SPECC1: variants seen among roughly 807,000 people sequenced by gnomAD.
SPECC1 encodes sperm antigen with calponin homology and coiled-coil domains 1.
In SPECC1, 62 loss-of-function variants were observed where a neutral mutation model predicts 104.1. The ratio of observed to expected loss-of-function variants is 0.60; its 90% CI spans 0.49 to 0.74. The LOEUF is 0.74. Ranked by LOEUF, SPECC1 falls within the 30% of genes least tolerant of loss-of-function variation. The probability of loss-of-function intolerance (pLI) is 0.00; values close to 1 mark genes in which losing one functional copy is unlikely to be tolerated. For missense variants in SPECC1, 1,306 were observed against 1,310.5 expected, an observed-to-expected ratio of 1.00 and a Z score of 0.05; for synonymous variants, 513 against 501.6, an observed-to-expected ratio of 1.02 and a Z score of -0.30.
chr17:20,156,005 C>T (rs2152570946), intron 3 of SPECC1: 2 of 1,282,944 alleles, frequency 1.6e-6, no homozygotes, highest in Non-Finnish European at 2.0e-6. Flanking sequence ...GATGAGGGGG[C>T]GGGGCCCACG....
chr17:20,229,339 G>A (rs534514747), intron 5 of SPECC1, among the ~76,000 whole-genome samples: 14 of 152,212 alleles, frequency 9.2e-5, no homozygotes, highest in African/African-American at 7.2e-5. Context: ...CTCTTGTCCC[G>A]TTGTGCGTGA....
chr17:20,082,982 GTTCGTTCGTTCGTTCGTTCGTTCA>G (rs2047038554), intron 1 of SPECC1, among the ~76,000 whole-genome samples: 15 of 151,200 alleles, frequency 9.9e-5, no homozygotes. Context: ...TCGTTCGTTC[GTTCGTTCGTTCGTTCGTTCGTTCA>G]TTCATCCATC....
At chr17:20,265,208 A>T (rs1261534057) in intron 12 of SPECC1, among the ~76,000 whole-genome samples, 2 of 152,168 alleles carry the variant, frequency 1.3e-5, no homozygotes, top group Admixed American at 1.3e-4. Flanking sequence ...CAGGGGCTGA[A>T]CTAATTTTAT....
chr17:20,034,576 C>A (rs1271513126), intron 1 of SPECC1, among the ~76,000 whole-genome samples: 3 of 151,244 alleles, frequency 2.0e-5, no homozygotes, highest in Admixed American at 2.0e-4. Context: ...CTTTACCTCG[C>A]CTTACATCCC....
intron 7 of SPECC1, among the ~76,000 whole-genome samples, chr17:20,240,589 A>T (rs2039158488): frequency 6.6e-6 from 1 of 151,964 alleles, no homozygotes. Context: ...ATTTAATCTG[A>T]TGTGAGGTGT....
intron 3 of SPECC1, among the ~76,000 whole-genome samples, chr17:20,126,889 C>T (rs1293880906): frequency 6.6e-6 from 1 of 152,166 alleles, no homozygotes; most frequent in African/African-American, 2.4e-5. Flanking sequence ...TAAATGCCTT[C>T]TAGGCATGCT....
At chr17:20,082,688 G>A (rs1325599138) in intron 1 of SPECC1, among the ~76,000 whole-genome samples, 1 of 152,004 alleles carries the variant, frequency 6.6e-6, no homozygotes, top group Non-Finnish European at 1.5e-5. Flanking sequence ...TTTCTTATAT[G>A]GACATCAGTC....
chr17:20,064,066 A>G (rs533392098), intron 1 of SPECC1, among the ~76,000 whole-genome samples: 2 of 152,324 alleles, frequency 1.3e-5, no homozygotes, highest in Non-Finnish European at 2.9e-5. Context: ...GAGTTGGCAG[A>G]AGGAGGTGAT....
chr17:20,017,407 C>T (rs1348421451), intron 1 of SPECC1: 1 of 153,872 alleles, frequency 6.5e-6, no homozygotes, highest in Non-Finnish European at 1.4e-5. Context: ...AGCGAGACTA[C>T]GAACCCACCA....
chr17:20,097,522 C>A (rs1323991329), intron 2 of SPECC1, among the ~76,000 whole-genome samples: 1 of 152,216 alleles, frequency 6.6e-6, no homozygotes, highest in Admixed American at 6.5e-5. Context: ...AGCTACAATG[C>A]AGATGGATTT....
intron 1 of SPECC1, among the ~76,000 whole-genome samples, chr17:20,019,536 A>G (rs573778415): frequency 1.3e-4 from 20 of 152,278 alleles, no homozygotes; most frequent in African/African-American, 4.8e-4. Context: ...GGACTACTCA[A>G]CCATTCAAAA....
intron 1 of SPECC1, among the ~76,000 whole-genome samples, chr17:20,032,953 C>CAT (rs199499457): frequency 7.5e-4 from 112 of 149,048 alleles, no homozygotes; most frequent in Non-Finnish European, 1.2e-3. Flanking sequence ...CACACACACA[C>CAT]ATATATATAT....
chr17:20,052,920 C>T (rs755708367), intron 1 of SPECC1, among the ~76,000 whole-genome samples: 1 of 152,190 alleles, frequency 6.6e-6, no homozygotes, highest in African/African-American at 2.4e-5. Context: ...CAGTTTGTTA[C>T]CTATGCGTTT....
intron 12 of SPECC1, among the ~76,000 whole-genome samples, chr17:20,261,619 A>G (rs1168409866): frequency 1.3e-5 from 2 of 152,152 alleles, no homozygotes; most frequent in African/African-American, 4.8e-5. Flanking sequence ...TAATTCGCAT[A>G]AAGGTCCTAT....
At chr17:20,145,646 T>A (rs974750946) in intron 3 of SPECC1, among the ~76,000 whole-genome samples, 5 of 152,216 alleles carry the variant, frequency 3.3e-5, no homozygotes, top group African/African-American at 1.2e-4. Context: ...TGGTCAGAAC[T>A]GGGTCTCATA....
intron 1 of SPECC1, among the ~76,000 whole-genome samples, chr17:20,091,570 G>A (rs1046074251): frequency 2.0e-5 from 3 of 152,178 alleles, no homozygotes; most frequent in Non-Finnish European, 2.9e-5. Flanking sequence ...ACATTGCCAC[G>A]TGCCCATTGG....
intron 3 of SPECC1, among the ~76,000 whole-genome samples, chr17:20,173,164 C>A (rs866894286): frequency 6.6e-6 from 1 of 152,194 alleles, no homozygotes; most frequent in African/African-American, 2.4e-5. Context: ...ATGCACAGTC[C>A]ACTCTGGGAA....
At chr17:20,194,275 A>G (rs1163670330) in intron 3 of SPECC1, among the ~76,000 whole-genome samples, 2 of 151,966 alleles carry the variant, frequency 1.3e-5, no homozygotes, top group Non-Finnish European at 2.9e-5. Context: ...AGGTCCCAGG[A>G]TAACTTGGGG....
At position 20,204,434 on chromosome 17, in the gene SPECC1, A is replaced by G. The variant is rs2036633892; in HGVS notation, c.385A>G (p.Arg129Gly). 2 of 1,614,040 alleles carry G rather than the reference A, an allele frequency of 1.2e-6. No individual in the cohort carries two copies. Among genetic ancestry groups the G allele is most frequent in the Non-Finnish European group, 1.7e-6 (2 of 1,180,052 alleles). The change falls in exon 4 of 15, where the codon AGG becomes GGG. Residue 129 changes from arginine (R) to glycine (G), a missense_variant. Physicochemically the swap from Arg to Gly is moderately radical, Grantham distance 125. Transcript: ENST00000395527. ...RSVPRGPSNPRKSVSSPTSSN... is the reference protein window; with the variant it reads ...RSVPRGPSNPGKSVSSPTSSN... ...TGTGCCACGTGGTCCCTCCAACCCC[A>G]GGAAATCAGTGTCCAGTCCAACTTC...
Sources: allele counts gnomAD v4.1 joint callset (sites outside exome capture counted in the v4.1 genomes callset), GRCh38; gene constraint gnomAD v4.1.1; transcripts MANE v1.5; gene names NCBI Gene and HGNC (gene_info 2026-07-23, HGNC 2026-07-21).